FRMPD4: variants seen among roughly 807,000 people sequenced by gnomAD.
FRMPD4 encodes FERM and PDZ domain-containing protein 4.
FRMPD4 carries 22 observed loss-of-function variants against 94.1 expected under a neutral mutation model. That is an observed-to-expected ratio of 0.23 (90% CI 0.17 to 0.33). FRMPD4 has a LOEUF of 0.33. Ranked by LOEUF, FRMPD4 falls within the 10% of genes least tolerant of loss-of-function variation. The pLI is 1.00. For synonymous variants in FRMPD4, 631 were observed against 548.6 expected (o/e 1.15, Z -2.10); for missense variants, 1,111 against 1,339.9 (o/e 0.83, Z 2.67).
chrX:12,539,697 G>C (rs773721413), intron 2 of FRMPD4, among the ~76,000 whole-genome samples: 1 of 109,802 alleles, frequency 9.1e-6, no homozygotes, highest in Non-Finnish European at 1.9e-5. Flanking sequence ...GCAATGGCAC[G>C]ATCTCAGCTC....
chrX:12,071,767 G>T (rs952595503), intron 3 of FRMPD4, among the ~76,000 whole-genome samples: 3 of 111,093 alleles, frequency 2.7e-5, no homozygotes, highest in Non-Finnish European at 5.7e-5. Flanking sequence ...CTTTTACAGG[G>T]TGGTGAAAAC....
At chrX:12,389,167 T>C (rs1399233900) in intron 1 of FRMPD4, among the ~76,000 whole-genome samples, 1 of 109,477 alleles carries the variant, frequency 9.1e-6, no homozygotes, top group Non-Finnish European at 1.9e-5. Context: ...AATAGTGTAC[T>C]GTACATTTCA....
chrX:12,249,334 G>A (rs987288158), intron 1 of FRMPD4, among the ~76,000 whole-genome samples: 2 of 111,728 alleles, frequency 1.8e-5, no homozygotes, highest in African/African-American at 6.5e-5. Context: ...AAAGCCACAG[G>A]TCTGAGCAGA....
intron 1 of FRMPD4, among the ~76,000 whole-genome samples, chrX:12,248,708 G>T (rs147659627): frequency 0.01 from 1,131 of 112,381 alleles, 10 homozygotes; most frequent in African/African-American, 0.033. Flanking sequence ...TTTGATGTCT[G>T]TTCTTTTAGC....
chrX:12,583,601 GTA>G, intron 2 of FRMPD4: 1 of 564,240 alleles, frequency 1.8e-6, no homozygotes, highest in South Asian at 2.9e-5. Context: ...CTCAGTGCTG[GTA>G]AAGCCTCGCA....
At chrX:12,483,167 G>A (rs1413275440) in intron 1 of FRMPD4, among the ~76,000 whole-genome samples, 1 of 111,911 alleles carries the variant, frequency 8.9e-6, no homozygotes, top group Non-Finnish European at 1.9e-5. Context: ...TAGGTTTGGG[G>A]GAATGAACAT....
intron 2 of FRMPD4, among the ~76,000 whole-genome samples, chrX:12,549,217 T>C (rs1329013870): frequency 1.8e-5 from 2 of 111,941 alleles, no homozygotes; most frequent in Non-Finnish European, 3.8e-5. Context: ...TTCCATCAGA[T>C]TGGCTTGTGT....
intron 3 of FRMPD4, among the ~76,000 whole-genome samples, chrX:12,049,735 T>C (rs779953625): frequency 3.8e-4 from 42 of 111,864 alleles, no homozygotes; most frequent in African/African-American, 1.4e-3. Context: ...TCATAGAAGA[T>C]GACAGCGCCA....
At chrX:12,453,350 G>A (rs929899542) in intron 1 of FRMPD4, among the ~76,000 whole-genome samples, 1 of 111,708 alleles carries the variant, frequency 9.0e-6, no homozygotes, top group Non-Finnish European at 1.9e-5. Flanking sequence ...TGAGGGAATG[G>A]CAAGGTTGCT....
intron 1 of FRMPD4, among the ~76,000 whole-genome samples, chrX:12,187,687 A>G (rs1457005105): frequency 1.8e-5 from 2 of 111,448 alleles, no homozygotes; most frequent in South Asian, 3.8e-4. Flanking sequence ...ATTGTTCTGT[A>G]TAAGAATTTG....
Position 12,506,597 on chromosome X carries a change from C to T in FRMPD4, c.158+7801C>T, listed in dbSNP as rs1177762222. Among the ~76,000 whole-genome samples, 32 of 112,545 alleles carry T rather than the reference C, an allele frequency of 2.8e-4. No homozygotes were observed. The Admixed American group carries it at 3.0e-3, about 11-fold the overall frequency. On this transcript the variant is annotated intron_variant, in intron 2 of 16. Transcript: ENST00000675598. ...CCACTGTACCCGGCCTATTTAATGA[C>T]ATTTCATAATAAGACACATGAAAAT... is the stretch of plus-strand genomic sequence containing the variant.
chrX:12,636,813 T>C (rs148256028), intron 4 of FRMPD4, among the ~76,000 whole-genome samples: 4,633 of 112,162 alleles, frequency 0.041, 78 homozygotes, highest in African/African-American at 0.059. Flanking sequence ...GATGATATTA[T>C]TCTTATTGAA....
rs773922201 is a variant in FRMPD4, at chrX:12,504,800, C to T, written c.158+6004C>T. On this transcript the variant is annotated intron_variant, in intron 2 of 16. Transcript: ENST00000675598. ...CTGCTTCAGAGGCTGTTTCATTTTC[C>T]CTATGTTTCTTCTTGAATGTTTCTT... 3.6e-5 allele frequency among the ~76,000 whole-genome samples: 4 copies of T among 112,382 alleles called. No homozygotes were observed. In the South Asian group the frequency reaches 1.5e-3, roughly 42 times the overall value.
At chrX:12,361,244 T>C (rs2055985011) in intron 1 of FRMPD4, among the ~76,000 whole-genome samples, 1 of 112,635 alleles carries the variant, frequency 8.9e-6, no homozygotes, top group Non-Finnish European at 1.9e-5. Context: ...TTAAGGTACA[T>C]TTCAAAGAAT....
intron 1 of FRMPD4, among the ~76,000 whole-genome samples, chrX:12,199,703 C>T (rs1260060488): frequency 1.8e-5 from 2 of 111,632 alleles, no homozygotes; most frequent in Admixed American, 1.9e-4. Flanking sequence ...CCTAGCAGAG[C>T]CAATTTATCA....
At chrX:12,363,494 C>T (rs1388975027) in intron 1 of FRMPD4, among the ~76,000 whole-genome samples, 2 of 112,178 alleles carry the variant, frequency 1.8e-5, no homozygotes, top group Non-Finnish European at 3.8e-5. Flanking sequence ...AGAGGGATGT[C>T]AGAAAATTCT....
chrX:12,569,348 A>T, intron 2 of FRMPD4, among the ~76,000 whole-genome samples: 1 of 112,134 alleles, frequency 8.9e-6, no homozygotes, highest in Admixed American at 9.5e-5. Flanking sequence ...TTATGCTAAT[A>T]CAAAGTTGTA....
intron 1 of FRMPD4, among the ~76,000 whole-genome samples, chrX:12,495,907 C>G (rs2057844250): frequency 9.0e-6 from 1 of 111,246 alleles, no homozygotes; most frequent in African/African-American, 3.3e-5. Flanking sequence ...ATGGGGGATT[C>G]CAACGTGCAG....
chrX:12,245,340 C>T (rs1248623176), intron 1 of FRMPD4, among the ~76,000 whole-genome samples: 2 of 110,870 alleles, frequency 1.8e-5, no homozygotes, highest in Non-Finnish European at 3.8e-5. Flanking sequence ...ACTATATTTG[C>T]GGCCAGCTCT....
Sources: gnomAD v4.1 joint callset for allele counts (sites outside exome capture counted in the v4.1 genomes callset) on GRCh38, gnomAD v4.1.1 for gene constraint, MANE v1.5 for transcripts, NCBI Gene and HGNC (gene_info 2026-07-23, HGNC 2026-07-21) for gene names.